The following ELMO1 variants were observed in gnomAD, a reference collection of about 807,000 sequenced individuals.
ELMO1 encodes the protein engulfment and cell motility protein 1.
A neutral mutation model predicts 98.9 loss-of-function variants in ELMO1; 26 were observed. That is an observed-to-expected ratio of 0.26 (90% CI 0.19 to 0.36). The LOEUF (loss-of-function observed/expected upper bound fraction) is 0.36, where lower values mean the gene tolerates loss of function less well. Ranked by LOEUF, ELMO1 falls within the 10% of genes least tolerant of loss-of-function variation. The pLI is 1.00. For missense variants in ELMO1, 627 were observed against 935.2 expected (o/e 0.67, Z 4.30); for synonymous variants, 346 against 346.0 (o/e 1.00, Z 0.00).
In ELMO1 at chr7:37,222,262, A is replaced by G. The variant is rs993686235; in HGVS notation, c.780+353T>C. ...CCTCAACCTAGTGAGCATCCCATGAAATGACAGAAGGTCGCAGGGGCTCCT... is the reference window on the plus strand; with the variant it reads ...CCTCAACCTAGTGAGCATCCCATGAGATGACAGAAGGTCGCAGGGGCTCCT... On this transcript the variant is annotated intron_variant, in intron 10 of 21. Coordinates refer to ENST00000310758, the MANE Select transcript of ELMO1 (RefSeq NM_014800.11). Among the ~76,000 whole-genome samples the G allele has an allele frequency of 4.6e-5, 7 of 152,316 alleles. No homozygotes were observed. In the South Asian group the frequency reaches 1.4e-3, roughly 32 times the overall value.
At chr7:37,303,492 AG>A (rs1798449547) in intron 4 of ELMO1, among the ~76,000 whole-genome samples, 1 of 152,210 alleles carries the variant, frequency 6.6e-6, no homozygotes, top group African/African-American at 2.4e-5. Flanking sequence ...CATGAACAGG[AG>A]TATGCTTAGA....
intron 15 of ELMO1, among the ~76,000 whole-genome samples, chr7:37,025,896 T>TCTATCTATCTAC (rs1334532037): frequency 0.013 from 22 of 1,732 alleles, no homozygotes; most frequent in Admixed American, 0.054. Context: ...TATTATATAT[T>TCTATCTATCTAC]CTATCTATCT....
chr7:36,859,344 G>A (rs1268117669), intron 21 of ELMO1, among the ~76,000 whole-genome samples: 2 of 152,196 alleles, frequency 1.3e-5, no homozygotes, highest in Admixed American at 1.3e-4. Context: ...AGTCTTTATT[G>A]TTGGGAAATG....
intron 4 of ELMO1, among the ~76,000 whole-genome samples, chr7:37,296,621 A>T (rs2130994116): frequency 6.6e-6 from 1 of 150,766 alleles, no homozygotes; most frequent in East Asian, 2.0e-4. Flanking sequence ...GTGTAACACT[A>T]GGGGTGTGGG....
At chr7:37,319,102 C>T (rs903534767) in intron 2 of ELMO1, among the ~76,000 whole-genome samples, 3 of 152,178 alleles carry the variant, frequency 2.0e-5, no homozygotes. Context: ...CCTAAGTCTA[C>T]AGCTGTAGCC....
chr7:37,144,067 A>G (rs1787828639), intron 13 of ELMO1, among the ~76,000 whole-genome samples: 1 of 152,084 alleles, frequency 6.6e-6, no homozygotes, highest in Non-Finnish European at 1.5e-5. Flanking sequence ...TAACAGACCC[A>G]TGTCTCTCTC....
chr7:37,180,810 GCGCA>G (rs10617599), intron 13 of ELMO1, among the ~76,000 whole-genome samples: 78,191 of 130,980 alleles, frequency 0.6, 22,032 homozygotes, highest in East Asian at 0.74. Flanking sequence ...ACACACATAT[GCGCA>G]CACACACACA....
chr7:36,904,182 A>C (rs1783790268), intron 16 of ELMO1, among the ~76,000 whole-genome samples: 1 of 152,246 alleles, frequency 6.6e-6, no homozygotes, highest in African/African-American at 2.4e-5. Context: ...GCCCACCCTG[A>C]GCAGGCAGGC....
intron 14 of ELMO1, among the ~76,000 whole-genome samples, chr7:37,103,060 G>T (rs1002909791): frequency 1.3e-5 from 2 of 152,118 alleles, no homozygotes; most frequent in Admixed American, 6.5e-5. Flanking sequence ...TCCATAAAGG[G>T]TCGTAAAGAT....
intron 1 of ELMO1, among the ~76,000 whole-genome samples, chr7:37,421,634 C>T (rs1316882720): frequency 5.3e-5 from 8 of 152,172 alleles, no homozygotes; most frequent in African/African-American, 1.7e-4. Flanking sequence ...GAAGGCAGCA[C>T]ATCAATTCAT....
At chr7:37,321,141 A>G (rs956284582) in intron 2 of ELMO1, among the ~76,000 whole-genome samples, 1 of 152,192 alleles carries the variant, frequency 6.6e-6, no homozygotes, top group African/African-American at 2.4e-5. Context: ...AGACTGACCA[A>G]GATACCCCAA....
chr7:37,019,058 G>C (rs770190652), intron 15 of ELMO1, among the ~76,000 whole-genome samples: 2 of 152,202 alleles, frequency 1.3e-5, no homozygotes, highest in African/African-American at 4.8e-5. Context: ...GGAGGTAACT[G>C]TGTAGGGTAA....
At chr7:36,882,749 A>C (rs1323961502) in intron 18 of ELMO1, among the ~76,000 whole-genome samples, 1 of 152,242 alleles carries the variant, frequency 6.6e-6, no homozygotes, top group African/African-American at 2.4e-5. Flanking sequence ...AAACACACAT[A>C]AAGTATGGAT....
chr7:37,402,269 T>C (rs948623598), intron 1 of ELMO1, among the ~76,000 whole-genome samples: 2 of 152,136 alleles, frequency 1.3e-5, no homozygotes, highest in African/African-American at 2.4e-5. Context: ...AGTGAGAATA[T>C]CGTTACAGGA....
intron 16 of ELMO1, among the ~76,000 whole-genome samples, chr7:36,926,893 A>G (rs544898435): frequency 2.8e-4 from 42 of 152,270 alleles, no homozygotes; most frequent in Middle Eastern, 3.4e-3. Flanking sequence ...TCCTAATTCC[A>G]TATGTGTTAG....
chr7:37,076,787 C>T (rs971000397), intron 15 of ELMO1, among the ~76,000 whole-genome samples: 23 of 152,324 alleles, frequency 1.5e-4, no homozygotes, highest in Middle Eastern at 3.4e-3. Flanking sequence ...GGGTGCACAA[C>T]GCTCCACCAC....
chr7:36,870,357 C>T lies in ELMO1; in HGVS notation c.1905+36G>A, dbSNP rs1803405182. On this transcript the variant is annotated intron_variant, in intron 20 of 21. Coordinates refer to ENST00000310758, the MANE Select transcript of ELMO1 (RefSeq NM_014800.11). The surrounding 1 kb of genome is among the most constrained non-coding windows in gnomAD (Gnocchi z 4.4). ...GGCTGCAGTTGCCGACCGCACTGGG[C>T]AAATAGAGCTATTTGCAATAATTTG... 1 of 1,608,218 alleles carries T rather than the reference C, an allele frequency of 6.2e-7. No individual in the cohort carries two copies. The highest frequency in any genetic ancestry group is 2.2e-5 in the East Asian group (1 of 44,778).
intron 2 of ELMO1, among the ~76,000 whole-genome samples, chr7:37,323,403 A>G (rs548441825): frequency 3.4e-4 from 52 of 152,346 alleles, no homozygotes; most frequent in South Asian, 8.3e-4. Flanking sequence ...AACGTAAGTT[A>G]GATTTAAGGA....
chr7:37,235,731 G>A (rs148851154), intron 7 of ELMO1, among the ~76,000 whole-genome samples: 2 of 152,158 alleles, frequency 1.3e-5, no homozygotes, highest in Non-Finnish European at 2.9e-5. Context: ...TCAGGAGTTC[G>A]AGAGCAGCCT....
Sources: allele counts gnomAD v4.1 joint callset (sites outside exome capture counted in the v4.1 genomes callset), GRCh38; gene constraint gnomAD v4.1.1; non-coding constraint Gnocchi (gnomAD v3.1); transcripts MANE v1.5; gene names NCBI Gene and HGNC (gene_info 2026-07-23, HGNC 2026-07-21).